PCDHGA4: variants seen among roughly 807,000 people sequenced by gnomAD.
The protein encoded by PCDHGA4 is protocadherin gamma-A4.
A neutral mutation model predicts 54.6 loss-of-function variants in PCDHGA4; 38 were observed. The ratio of observed to expected loss-of-function variants is 0.70; its 90% CI spans 0.54 to 0.91. PCDHGA4 has a LOEUF of 0.91. Among genes scored for constraint, PCDHGA4 ranks in the 40% least tolerant of loss-of-function variants. The probability of loss-of-function intolerance (pLI) is 0.00; values close to 1 mark genes in which losing one functional copy is unlikely to be tolerated. For synonymous variants in PCDHGA4, 511 were observed against 512.9 expected (o/e 1.00, Z 0.05); for missense variants, 1,298 against 1,220.9 (o/e 1.06, Z -0.94).
intron 1 of PCDHGA4, among the ~76,000 whole-genome samples, chr5:141,439,599 G>A (rs1319524199): frequency 6.6e-6 from 1 of 152,146 alleles, no homozygotes; most frequent in Non-Finnish European, 1.5e-5. Flanking sequence ...TGGCCAGTCT[G>A]GAAACAGAGA....
chr5:141,401,725 T>C lies in PCDHGA4; in HGVS notation c.2514+44104T>C, dbSNP rs2094187242. Among the ~76,000 whole-genome samples the C allele has an allele frequency of 2.0e-5, 3 of 152,322 alleles. No individual in the cohort carries two copies. In the South Asian group the frequency reaches 6.2e-4, roughly 32 times the overall value. ...ATTCCATTTTTAAGACAAAAACTAC[T>C]AGTCTTGTGTACATACAAAGCTCCC... On this transcript the variant is annotated intron_variant, in intron 1 of 3. Coordinates refer to ENST00000571252, the MANE Select transcript of PCDHGA4 (RefSeq NM_018917.4).
intron 2 of PCDHGA4, among the ~76,000 whole-genome samples, chr5:141,502,194 T>C (rs1470985683): frequency 2.6e-5 from 4 of 152,212 alleles, no homozygotes; most frequent in Non-Finnish European, 4.4e-5. Flanking sequence ...TACAATAATA[T>C]AGAATCCACC....
intron 1 of PCDHGA4, chr5:141,404,633 G>C: frequency 6.2e-7 from 1 of 1,614,170 alleles, no homozygotes; most frequent in Non-Finnish European, 8.5e-7. Flanking sequence ...CAATGCCCCA[G>C]AAATCCTGTA....
chr5:141,444,467 G>A (rs1288596542), intron 1 of PCDHGA4, among the ~76,000 whole-genome samples: 3 of 151,998 alleles, frequency 2.0e-5, no homozygotes, highest in African/African-American at 4.8e-5. Flanking sequence ...CACTGCGCCC[G>A]GTCGCGTACT....
chr5:141,461,480 G>A (rs1478939044), intron 1 of PCDHGA4, among the ~76,000 whole-genome samples: 1 of 151,970 alleles, frequency 6.6e-6, no homozygotes, highest in Non-Finnish European at 1.5e-5. Context: ...ACTTTTTAAT[G>A]GGATTGTGTT....
At position 141,491,127 on chromosome 5, in the gene PCDHGA4, C is replaced by T. The variant is rs2099708654; in HGVS notation, c.2515-3680C>T. On this transcript the variant is annotated intron_variant, in intron 1 of 3. Transcript: ENST00000571252. This position sits in a 1 kb window ranked among gnomAD's most constrained non-coding sequence, Gnocchi z 6.9. ...TGTCTACACACACTGGTGAGGTGCGCACAGCCCGGGCCTTACTGGAGGATG... is the reference window on the plus strand; with the variant it reads ...TGTCTACACACACTGGTGAGGTGCGTACAGCCCGGGCCTTACTGGAGGATG... 1 of 1,614,076 alleles carries T rather than the reference C, an allele frequency of 6.2e-7. No individual in the cohort carries two copies. The highest frequency in any genetic ancestry group is 1.3e-5 in the African/African-American group (1 of 74,942).
rs765185360 is a variant in PCDHGA4, at chr5:141,491,451, C to T, written c.2515-3356C>T. 1.2e-6 allele frequency: 2 copies of T among 1,614,112 alleles called. No individual in the cohort carries two copies. The highest frequency in any genetic ancestry group is 1.1e-5 in the South Asian group (1 of 91,082). On this transcript the variant is annotated intron_variant, in intron 1 of 3. Coordinates refer to ENST00000571252, the MANE Select transcript of PCDHGA4 (RefSeq NM_018917.4). This position sits in a 1 kb window ranked among gnomAD's most constrained non-coding sequence, Gnocchi z 6.9. ...AGTGCTGCAGGCGCCAGGACTCACC[C>T]TCCCCGGACTTCTATAAGCAGTCCA...
chr5:141,392,955 A>G, intron 1 of PCDHGA4: 1 of 1,613,920 alleles, frequency 6.2e-7, no homozygotes, highest in Non-Finnish European at 8.5e-7. Flanking sequence ...CGTGGGTAAT[A>G]TCTCCAAGGA....
chr5:141,442,164 C>A, intron 1 of PCDHGA4: 1 of 156,542 alleles, frequency 6.4e-6, no homozygotes, highest in Non-Finnish European at 1.4e-5. Context: ...GATCACTCTG[C>A]AAAGCTACAG....
At chr5:141,365,641 C>T (rs367688670) in intron 1 of PCDHGA4, 1 of 1,613,596 alleles carries the variant, frequency 6.2e-7, no homozygotes, top group African/African-American at 1.3e-5. Context: ...CAGAAAGCCA[C>T]ATCCCCTTGA....
chr5:141,455,159 G>GTT (rs1390145608), intron 1 of PCDHGA4, among the ~76,000 whole-genome samples: 4 of 144,860 alleles, frequency 2.8e-5, no homozygotes, highest in African/African-American at 7.8e-5. Context: ...TTAGTTTGTT[G>GTT]GTTTTTTTTT....
In PCDHGA4 at chr5:141,491,715, G is replaced by A. The variant is rs1333909488; in HGVS notation, c.2515-3092G>A. 1 of 1,607,782 alleles carries A rather than the reference G, an allele frequency of 6.2e-7. No individual in the cohort carries two copies. Among genetic ancestry groups the A allele is most frequent in the Admixed American group, 1.7e-5 (1 of 58,966 alleles). On this transcript the variant is annotated intron_variant, in intron 1 of 3. Transcript: ENST00000571252. This position sits in a 1 kb window ranked among gnomAD's most constrained non-coding sequence, Gnocchi z 6.9. ...AGCGGAGCCAGGTGAGGGGCTCGGC[G>A]CCGCCCCGGGCGACCCCTGGGGGCG...
intron 1 of PCDHGA4, among the ~76,000 whole-genome samples, chr5:141,444,732 A>G (rs2098445644): frequency 6.6e-6 from 1 of 152,194 alleles, no homozygotes; most frequent in Admixed American, 6.6e-5. Context: ...CTTTGTTGAA[A>G]GTCATTTCAC....
chr5:141,507,616 G>A (rs1288020739), intron 3 of PCDHGA4, among the ~76,000 whole-genome samples: 3 of 152,252 alleles, frequency 2.0e-5, no homozygotes, highest in Non-Finnish European at 4.4e-5. Context: ...GGTATATTTA[G>A]CTGTTGTGGC....
chr5:141,467,775 C>T (rs1464827506), intron 1 of PCDHGA4, among the ~76,000 whole-genome samples: 1 of 151,960 alleles, frequency 6.6e-6, no homozygotes, highest in Non-Finnish European at 1.5e-5. Context: ...GCCCGCACCT[C>T]AGCCTCTCAA....
At chr5:141,474,323 C>T (rs1176074252) in intron 1 of PCDHGA4, among the ~76,000 whole-genome samples, 2 of 152,186 alleles carry the variant, frequency 1.3e-5, no homozygotes, top group Non-Finnish European at 2.9e-5. Context: ...GTTTTCAAAT[C>T]ACCCTGATGT....
chr5:141,403,960 G>C (rs775638627), intron 1 of PCDHGA4: 2 of 1,613,658 alleles, frequency 1.2e-6, no homozygotes, highest in African/African-American at 1.3e-5. Flanking sequence ...TGCTCATTTC[G>C]GTGGAAGATG....
chr5:141,461,988 T>A (rs771762127), intron 1 of PCDHGA4, among the ~76,000 whole-genome samples: 1 of 152,170 alleles, frequency 6.6e-6, no homozygotes, highest in Non-Finnish European at 1.5e-5. Flanking sequence ...CACGCCAGGC[T>A]AATTTTGTAT....
intron 1 of PCDHGA4, chr5:141,375,076 G>T: frequency 6.2e-7 from 1 of 1,614,010 alleles, no homozygotes; most frequent in Non-Finnish European, 8.5e-7. Flanking sequence ...GAGACAGAGC[G>T]AAAGTCTTAA....
Sources: gnomAD v4.1 joint callset for allele counts (sites outside exome capture counted in the v4.1 genomes callset) on GRCh38, gnomAD v4.1.1 for gene constraint, Gnocchi (gnomAD v3.1) non-coding constraint, MANE v1.5 for transcripts, NCBI Gene and HGNC (gene_info 2026-07-23, HGNC 2026-07-21) for gene names.